Variants in ARFIP1 observed in about 807,000 individuals in gnomAD.
ARFIP1 encodes arfaptin-1.
In ARFIP1, 24 loss-of-function variants were observed where a neutral mutation model predicts 42.5. The observed-to-expected ratio is 0.57, with a 90% CI of 0.41 to 0.80. ARFIP1 has a LOEUF of 0.80. Ranked by LOEUF, ARFIP1 falls within the 30% of genes least tolerant of loss-of-function variation. The probability of loss-of-function intolerance (pLI) is 0.00; values close to 1 mark genes in which losing one functional copy is unlikely to be tolerated. For synonymous variants in ARFIP1, 141 were observed against 153.7 expected, an observed-to-expected ratio of 0.92 and a Z score of 0.61; for missense variants, 354 against 434.0, an observed-to-expected ratio of 0.82 and a Z score of 1.64.
At chr4:152,838,380 C>A (rs1235244757) in intron 2 of ARFIP1, among the ~76,000 whole-genome samples, 3 of 152,254 alleles carry the variant, frequency 2.0e-5, no homozygotes, top group African/African-American at 7.2e-5. Context: ...GTCATTTTCA[C>A]AATATTGATT....
chr4:152,907,207 G>A (rs1738433206), intron 8 of ARFIP1, among the ~76,000 whole-genome samples: 1 of 152,146 alleles, frequency 6.6e-6, no homozygotes, highest in Non-Finnish European at 1.5e-5. Context: ...ATGACCCTGT[G>A]TAATATTTAT....
At chr4:152,887,610 T>C (rs992386720) in intron 7 of ARFIP1, among the ~76,000 whole-genome samples, 22 of 152,104 alleles carry the variant, frequency 1.4e-4, no homozygotes, top group African/African-American at 5.3e-4. Flanking sequence ...ATGAAATATA[T>C]TGATAACAGG....
intron 8 of ARFIP1, among the ~76,000 whole-genome samples, chr4:152,890,869 A>G (rs898534346): frequency 4.6e-5 from 7 of 152,224 alleles, no homozygotes; most frequent in African/African-American, 7.2e-5. Context: ...AATTGCTTCT[A>G]TTCTCAAGGA....
intron 1 of ARFIP1, among the ~76,000 whole-genome samples, chr4:152,784,616 T>C (rs1420823686): frequency 6.6e-6 from 1 of 152,252 alleles, no homozygotes; most frequent in African/African-American, 2.4e-5. Flanking sequence ...TGACTGTCGG[T>C]TCAGATTGAG....
intron 2 of ARFIP1, among the ~76,000 whole-genome samples, chr4:152,833,651 T>C (rs1731420539): frequency 6.6e-6 from 1 of 152,140 alleles, no homozygotes; most frequent in Non-Finnish European, 1.5e-5. Flanking sequence ...AGAAAATATA[T>C]ACATACACAT....
intron 1 of ARFIP1, among the ~76,000 whole-genome samples, chr4:152,787,385 A>T (rs1037655538): frequency 2.0e-5 from 3 of 152,240 alleles, no homozygotes; most frequent in African/African-American, 7.2e-5. Context: ...TTATGTGATG[A>T]ATCAAAGTCA....
intron 1 of ARFIP1, among the ~76,000 whole-genome samples, chr4:152,791,499 G>T (rs1408000108): frequency 6.6e-6 from 1 of 152,060 alleles, no homozygotes; most frequent in African/African-American, 2.4e-5. Flanking sequence ...TCTTTTCCAG[G>T]TTTTAAGCAA....
chr4:152,889,741 A>T (rs1736614927), intron 8 of ARFIP1, among the ~76,000 whole-genome samples: 1 of 41,030 alleles, frequency 2.4e-5, no homozygotes, highest in Non-Finnish European at 4.9e-5. Context: ...ATACTATACT[A>T]TATATACTAT....
chr4:152,869,399 T>C (rs1264223824), intron 3 of ARFIP1, among the ~76,000 whole-genome samples: 1 of 152,168 alleles, frequency 6.6e-6, no homozygotes, highest in East Asian at 1.9e-4. Flanking sequence ...TTTTTTTGTT[T>C]AATGCTAGAC....
At chr4:152,811,897 G>C (rs373878926) in intron 1 of ARFIP1, among the ~76,000 whole-genome samples, 1 of 67,474 alleles carries the variant, frequency 1.5e-5, no homozygotes, top group Admixed American at 1.7e-4. Context: ...TATAATTAAT[G>C]GTTAGTAAAT....
chr4:152,837,437 T>A (rs901640436), intron 2 of ARFIP1, among the ~76,000 whole-genome samples: 2 of 152,220 alleles, frequency 1.3e-5, no homozygotes, highest in African/African-American at 4.8e-5. Context: ...CACCAACATG[T>A]ACTGGTTTTT....
chr4:152,871,176 C>T (rs746747108), intron 4 of ARFIP1, among the ~76,000 whole-genome samples: 3 of 152,224 alleles, frequency 2.0e-5, no homozygotes, highest in Non-Finnish European at 4.4e-5. Context: ...ATCTTTGCAG[C>T]TCTGCCTTCT....
intron 8 of ARFIP1, among the ~76,000 whole-genome samples, chr4:152,891,486 C>T (rs1324808405): frequency 1.3e-5 from 2 of 152,008 alleles, no homozygotes; most frequent in Non-Finnish European, 2.9e-5. Flanking sequence ...TGTTGAGCAA[C>T]GTTTACTCTT....
At chr4:152,856,711 T>TA (rs988367426) in intron 2 of ARFIP1, among the ~76,000 whole-genome samples, 1 of 152,194 alleles carries the variant, frequency 6.6e-6, no homozygotes, top group Non-Finnish European at 1.5e-5. Flanking sequence ...AGGGTTTTCT[T>TA]ACATTTTTTG....
chr4:152,838,032 G>A (rs1731790156), intron 2 of ARFIP1, among the ~76,000 whole-genome samples: 1 of 152,086 alleles, frequency 6.6e-6, no homozygotes, highest in Non-Finnish European at 1.5e-5. Context: ...GTTGAAAAGG[G>A]TGCCCTTTCC....
intron 1 of ARFIP1, among the ~76,000 whole-genome samples, chr4:152,787,825 C>CA (rs1280779629): frequency 6.6e-6 from 1 of 151,954 alleles, no homozygotes; most frequent in Admixed American, 6.5e-5. Context: ...TTCCAAATGC[C>CA]AAAAAAATCT....
intron 1 of ARFIP1, among the ~76,000 whole-genome samples, chr4:152,785,047 G>A (rs1312800442): frequency 6.6e-6 from 1 of 152,094 alleles, no homozygotes; most frequent in Non-Finnish European, 1.5e-5. Flanking sequence ...TACTCATCAT[G>A]GCACACATAA....
chr4:152,899,193 T>G (rs1737610178), intron 8 of ARFIP1, among the ~76,000 whole-genome samples: 1 of 152,216 alleles, frequency 6.6e-6, no homozygotes, highest in Non-Finnish European at 1.5e-5. Flanking sequence ...AGGGATTTTG[T>G]GAGTACCTCA....
At chr4:152,802,114 C>G (rs927206750) in intron 1 of ARFIP1, among the ~76,000 whole-genome samples, 1 of 147,578 alleles carries the variant, frequency 6.8e-6, no homozygotes, top group Non-Finnish European at 1.5e-5. Flanking sequence ...ATTCCAAAAA[C>G]TATTTGAATT....
Sources: allele counts gnomAD v4.1 joint callset (sites outside exome capture counted in the v4.1 genomes callset), GRCh38; gene constraint gnomAD v4.1.1; transcripts MANE v1.5; gene names NCBI Gene and HGNC (gene_info 2026-07-23, HGNC 2026-07-21).